The following ROBO2 variants were observed in gnomAD, a reference collection of about 807,000 sequenced individuals.
ROBO2 encodes roundabout homolog 2.
Under a neutral mutation model 160.8 loss-of-function variants are expected in ROBO2, and 53 were observed. The ratio of observed to expected loss-of-function variants is 0.33; its 90% CI spans 0.26 to 0.41. ROBO2 has a LOEUF of 0.41. Ranked by LOEUF, ROBO2 falls within the 10% of genes least tolerant of loss-of-function variation. ROBO2 has a pLI of 1.00. For synonymous variants in ROBO2, 664 were observed against 611.7 expected (o/e 1.09, Z -1.26); for missense variants, 1,577 against 1,722.4 (o/e 0.92, Z 1.49).
chr3:77,480,032 C>T (rs1381791646), intron 3 of ROBO2, among the ~76,000 whole-genome samples: 2 of 152,150 alleles, frequency 1.3e-5, no homozygotes, highest in Non-Finnish European at 2.9e-5. Flanking sequence ...ATGGCCTTCA[C>T]AGCCATTTTT....
chr3:76,649,723 A>C (rs1471996808), intron 2 of ROBO2, among the ~76,000 whole-genome samples: 2 of 152,132 alleles, frequency 1.3e-5, no homozygotes, highest in Non-Finnish European at 2.9e-5. Flanking sequence ...ACTATGCTTG[A>C]AAACTATTTT....
chr3:77,020,149 C>G (rs1203485582), intron 2 of ROBO2, among the ~76,000 whole-genome samples: 1 of 152,108 alleles, frequency 6.6e-6, no homozygotes, highest in African/African-American at 2.4e-5. Context: ...TAAATGAAAA[C>G]TGAATAGATT....
intron 2 of ROBO2, among the ~76,000 whole-genome samples, chr3:76,589,413 G>A (rs1368105517): frequency 6.6e-6 from 1 of 152,096 alleles, no homozygotes; most frequent in African/African-American, 2.4e-5. Context: ...CCATTCTCCT[G>A]CCTCAGCCTC....
chr3:77,525,024 G>GGTTA (rs1404262537), intron 6 of ROBO2, among the ~76,000 whole-genome samples: 2 of 151,070 alleles, frequency 1.3e-5, no homozygotes, highest in African/African-American at 4.8e-5. Context: ...CATGCTAAGA[G>GGTTA]ATTAACAGGA....
chr3:76,256,729 A>T (rs985325543), intron 2 of ROBO2, among the ~76,000 whole-genome samples: 2 of 151,962 alleles, frequency 1.3e-5, no homozygotes, highest in Non-Finnish European at 2.9e-5. Flanking sequence ...CCACTCTTGC[A>T]TTGCTATAAA....
chr3:76,735,500 G>A lies in ROBO2; in HGVS notation c.110-362514G>A, dbSNP rs190306120. On this transcript the variant is annotated intron_variant, in intron 2 of 26. Coordinates refer to the ROBO2 transcript ENST00000487694. Reference sequence around the variant, plus strand: ...GTTGGGGCCAGGCACAGTGTCTCACGCCTGTAATCTCAGCACTTTGGGAGG... The same window carrying A: ...GTTGGGGCCAGGCACAGTGTCTCACACCTGTAATCTCAGCACTTTGGGAGG... Among the ~76,000 whole-genome samples, 6 of 152,166 alleles carry A rather than the reference G, an allele frequency of 3.9e-5. No individual in the cohort carries two copies. The East Asian group carries it at 9.7e-4, about 25-fold the overall frequency.
chr3:76,435,067 G>T (rs764691127), intron 2 of ROBO2: 345 of 1,089,890 alleles, frequency 3.2e-4, no homozygotes, highest in Non-Finnish European at 4.5e-4. Context: ...ATATACAAGT[G>T]TGTCAACATG....
chr3:76,555,358 G>GAGAAGAAGAAGAAGAAGAAA lies in ROBO2; in HGVS notation c.110-542637_110-542636insAAGAAGAAGAAGAAGAAGAA, dbSNP rs2083652529. 1.0e-4 allele frequency among the ~76,000 whole-genome samples: 6 copies of GAGAAGAAGAAGAAGAAGAAA among 57,982 alleles called. 1 individual carries two copies. The highest frequency in any genetic ancestry group is 3.1e-4 in the African/African-American group (6 of 19,278). The allele number at this position is 57,982 out of a possible 152,430, so 38.0% of individuals were successfully genotyped here. ...AGGAAGAGGAGGAAGAGTAGGAAGA[G>GAGAAGAAGAAGAAGAAGAAA]AGAAGAAGAAGAAGAAGAAGAAGAA... On this transcript the variant is annotated intron_variant, in intron 2 of 26. Transcript: ENST00000487694.
intron 2 of ROBO2, among the ~76,000 whole-genome samples, chr3:76,270,407 C>A (rs947247433): frequency 1.3e-5 from 2 of 151,934 alleles, no homozygotes; most frequent in African/African-American, 4.8e-5. Flanking sequence ...TAAATTATGT[C>A]TTCCAATTTT....
Position 76,630,554 on chromosome 3 carries a change from A to T in ROBO2, c.110-467460A>T, listed in dbSNP as rs2089968827. Among the ~76,000 whole-genome samples the T allele has an allele frequency of 2.0e-5, 3 of 152,198 alleles. No homozygotes were observed. In the South Asian group the frequency reaches 6.2e-4, roughly 31 times the overall value. ...TTATATCAATTACCGTATGGTAAAAATTGGTTTCAGTATACATTGTTTCAT... is the reference window on the plus strand; with the variant it reads ...TTATATCAATTACCGTATGGTAAAATTTGGTTTCAGTATACATTGTTTCAT... On this transcript the variant is annotated intron_variant, in intron 2 of 26. Transcript: ENST00000487694.
intron 2 of ROBO2, among the ~76,000 whole-genome samples, chr3:76,381,176 A>C (rs2076604575): frequency 6.6e-6 from 1 of 152,140 alleles, no homozygotes; most frequent in Non-Finnish European, 1.5e-5. Context: ...GTGTCAATTA[A>C]AATTAGCACA....
chr3:77,335,664 A>G (rs1468226881), intron 2 of ROBO2, among the ~76,000 whole-genome samples: 14 of 152,176 alleles, frequency 9.2e-5, no homozygotes, highest in Non-Finnish European at 1.3e-4. Flanking sequence ...GCTACGAGTC[A>G]TTATTAAACA....
intron 2 of ROBO2, among the ~76,000 whole-genome samples, chr3:76,160,679 T>C (rs2106917838): frequency 6.6e-6 from 1 of 152,298 alleles, no homozygotes; most frequent in Middle Eastern, 3.4e-3. Context: ...ATAAATTTGA[T>C]ATTTGTTCTT....
At chr3:77,360,992 T>C (rs905887206) in intron 2 of ROBO2, among the ~76,000 whole-genome samples, 3 of 152,172 alleles carry the variant, frequency 2.0e-5, no homozygotes, top group Non-Finnish European at 4.4e-5. Flanking sequence ...ACTTTTTAAA[T>C]TGCATAGGCA....
intron 14 of ROBO2, 122 bp downstream of exon 15, chr3:77,574,852 T>C (rs2093722065): frequency 1.3e-6 from 1 of 746,270 alleles, no homozygotes; most frequent in Admixed American, 2.3e-5. Context: ...TGAGGAAGTG[T>C]CGTTTTCTCC....
At chr3:77,528,439 G>A (rs79619022) in intron 6 of ROBO2, among the ~76,000 whole-genome samples, 4,976 of 151,582 alleles carry the variant, frequency 0.033, 187 homozygotes, top group East Asian at 0.17. Flanking sequence ...TTCCCCCTTC[G>A]GTTGAAAGAG....
chr3:76,889,000 T>A (rs1263542327), intron 2 of ROBO2, among the ~76,000 whole-genome samples: 2 of 152,210 alleles, frequency 1.3e-5, no homozygotes, highest in East Asian at 3.8e-4. Context: ...GGGAAGGATC[T>A]TCATCATTTT....
chr3:76,205,417 C>G (rs1415568628), intron 2 of ROBO2, among the ~76,000 whole-genome samples: 5 of 152,068 alleles, frequency 3.3e-5, no homozygotes, highest in Non-Finnish European at 1.5e-5. Flanking sequence ...TGCACTAGAT[C>G]AAGAAGCATC....
At chr3:76,059,291 C>G (rs1175652302) in intron 2 of ROBO2, among the ~76,000 whole-genome samples, 2 of 151,628 alleles carry the variant, frequency 1.3e-5, no homozygotes, top group East Asian at 3.9e-4. Context: ...TCCTATTTCT[C>G]CACATCCTCT....
Sources: allele counts gnomAD v4.1 joint callset (sites outside exome capture counted in the v4.1 genomes callset), GRCh38; gene constraint gnomAD v4.1.1; transcripts MANE v1.5; gene names NCBI Gene and HGNC (gene_info 2026-07-23, HGNC 2026-07-21).